The following MYH13 variants were observed in gnomAD, a reference collection of about 807,000 sequenced individuals.
The protein encoded by MYH13 is myosin heavy chain 13, also known as myosin-13.
MYH13 carries 177 observed loss-of-function variants against 232.1 expected under a neutral mutation model. That is an observed-to-expected ratio of 0.76 (90% confidence interval 0.67 to 0.86). The LOEUF is 0.86. Ranked by LOEUF, MYH13 falls within the 40% of genes least tolerant of loss-of-function variation. The pLI, the probability that MYH13 is intolerant of heterozygous loss-of-function variation, is 0.00. For missense variants in MYH13, 2,246 were observed against 2,405.9 expected (o/e 0.93, Z 1.39); for synonymous variants, 884 against 923.5 (o/e 0.96, Z 0.78).
At chr17:10,359,679 T>A (rs1044979270) in intron 7 of MYH13, among the ~76,000 whole-genome samples, 6 of 152,150 alleles carry the variant, frequency 3.9e-5, no homozygotes, top group Non-Finnish European at 7.3e-5. Flanking sequence ...AGCCCTTAAC[T>A]TGTGTGATTT....
Position 10,306,675 on chromosome 17 carries a change from C to A in MYH13, c.5296-46G>T, listed in dbSNP as rs1322423334. The stretch of plus-strand genomic sequence containing the variant: ...CATCAGAGGCCCTGTCCGCCCATCC[C>A]TACCCAGAGCTTGCAGAAGAGGCGA... On this transcript the variant is annotated intron_variant, in intron 36 of 40. Coordinates refer to ENST00000252172, the MANE Select transcript of MYH13 (RefSeq NM_003802.3). The surrounding 1 kb of genome is among the most constrained non-coding windows in gnomAD (Gnocchi z 4.3). The A allele has an allele frequency of 6.2e-7, 1 of 1,608,606 alleles. No individual in the cohort carries two copies. The highest frequency in any genetic ancestry group is 1.1e-5 in the South Asian group (1 of 90,590).
chr17:10,355,479 CAAAT>C (rs1597388241), intron 8 of MYH13, among the ~76,000 whole-genome samples: 2 of 152,192 alleles, frequency 1.3e-5, no homozygotes, highest in East Asian at 3.9e-4. Flanking sequence ...CGTAAACAAA[CAAAT>C]AAATGGCATG....
chr17:10,333,969 C>T (rs888695538), intron 18 of MYH13, among the ~76,000 whole-genome samples: 22 of 150,804 alleles, frequency 1.5e-4, no homozygotes, highest in African/African-American at 3.9e-4. Context: ...GGTAGGGCGG[C>T]GGTCATCTGC....
At chr17:10,317,009 G>A (rs1356908275) in intron 27 of MYH13, among the ~76,000 whole-genome samples, 2 of 152,308 alleles carry the variant, frequency 1.3e-5, no homozygotes, top group Admixed American at 6.5e-5. Flanking sequence ...GTTGAAACGC[G>A]ATGGCAGCTT....
rs144944730 is a variant in MYH13, at chr17:10,336,564, C to T, written c.2057-3373G>A. Among the ~76,000 whole-genome samples, 594 of 152,280 alleles carry T rather than the reference C, an allele frequency of 3.9e-3. 5 individuals are homozygous for T. The highest frequency in any genetic ancestry group is 0.013 in the African/African-American group (555 of 41,574). Reference sequence around the variant, plus strand: ...ATGGCAAAAAAGCCTCCTGCAAGCACGTCTTTCACATGCAAACCAGCCATC... The same window carrying T: ...ATGGCAAAAAAGCCTCCTGCAAGCATGTCTTTCACATGCAAACCAGCCATC... On this transcript the variant is annotated intron_variant, in intron 18 of 40. Transcript: ENST00000252172.
rs559498588 is a variant in MYH13 at position 10,311,174 on chromosome 17, C to G, written c.4585G>C (p.Glu1529Gln). ...QIAETGKNLQEAEKTKKLVEQ... is the reference protein window; with the variant it reads ...QIAETGKNLQQAEKTKKLVEQ... Reference sequence around the variant, plus strand: ...ACTAGCTTCTTGGTCTTTTCCGCTTCCTGAAGATTCTTGCCAGTTTCTGCA... The same window carrying G: ...ACTAGCTTCTTGGTCTTTTCCGCTTGCTGAAGATTCTTGCCAGTTTCTGCA... The change falls in exon 33 of 41, where the codon GAA becomes CAA. Residue 1529 changes from glutamate to glutamine, a missense_variant. Physicochemically the swap from Glu to Gln is conservative, Grantham distance 29. Transcript: ENST00000252172. 2.8e-5 allele frequency: 45 copies of G among 1,614,052 alleles called. No homozygotes were observed. The South Asian group carries it at 4.3e-4, about 15-fold the overall frequency.
intron 22 of MYH13, among the ~76,000 whole-genome samples, chr17:10,326,475 T>G (rs1361801625): frequency 6.6e-6 from 1 of 151,734 alleles, no homozygotes; most frequent in Admixed American, 6.6e-5. Flanking sequence ...CTTTCTTTCT[T>G]TTTTCTTTTT....
At chr17:10,355,976 TC>T (rs1239674492) in intron 8 of MYH13, among the ~76,000 whole-genome samples, 3 of 151,624 alleles carry the variant, frequency 2.0e-5, no homozygotes, top group Admixed American at 6.6e-5. Flanking sequence ...CAGGCCTGGC[TC>T]CCTGGCTGCC....
Position 10,312,658 on chromosome 17 carries a change from T to C in MYH13, c.4281A>G (p.Gly1427=), listed in dbSNP as rs773007854. The C allele has an allele frequency of 6.2e-7, 1 of 1,613,436 alleles. No homozygotes were observed. Among genetic ancestry groups the C allele is most frequent in the Non-Finnish European group, 8.5e-7 (1 of 1,179,728 alleles). ...SLEKTKQRLQ[G]EVEDLMRDLE... ...GATCCCGCATCAGATCCTCCACCTCTCCCTGCAGCCTCTGCTTGGTTTTCT... is the reference window on the plus strand; with the variant it reads ...GATCCCGCATCAGATCCTCCACCTCCCCCTGCAGCCTCTGCTTGGTTTTCT... The change falls in exon 31 of 41, where the codon GGA becomes GGG. Residue 1427 remains glycine, a synonymous_variant. Transcript: ENST00000252172.
chr17:10,361,549 C>A (rs1597389684), intron 5 of MYH13, among the ~76,000 whole-genome samples: 1 of 152,226 alleles, frequency 6.6e-6, no homozygotes, highest in South Asian at 2.1e-4. Flanking sequence ...CTGCCTCGGC[C>A]TCCCAAAGTG....
chr17:10,313,309 A>G lies in MYH13; in HGVS notation c.4030T>C (p.Cys1344Arg), dbSNP rs1273161090. ...TCATACTGTTCCCGCAGCAGGTCACAGTCGTGGCGGGAGGACTGCAGGGCG... is the reference window on the plus strand; with the variant it reads ...TCATACTGTTCCCGCAGCAGGTCACGGTCGTGGCGGGAGGACTGCAGGGCG... ...AHALQSSRHD[C>R]DLLREQYEEE... The change falls in exon 30 of 41, where the codon TGT (cysteine) becomes CGT (arginine). Residue 1344 changes from cysteine (C) to arginine (R), a missense_variant. Coordinates refer to ENST00000252172, the MANE Select transcript of MYH13 (RefSeq NM_003802.3). 1.2e-6 allele frequency: 2 copies of G among 1,614,260 alleles called. No homozygotes were observed. The highest frequency in any genetic ancestry group is 2.2e-5 in the East Asian group (1 of 44,890).
At position 10,322,262 on chromosome 17, in the gene MYH13, G is replaced by A. The variant is rs148337820; in HGVS notation, c.2935-554C>T. On this transcript the variant is annotated intron_variant, in intron 23 of 40. Transcript: ENST00000252172. ...AAAAAAAAAAAATTAGCCAGGCATGGTGGTGGGCACCTGTAGTCCCAGCTA... is the reference window on the plus strand; with the variant it reads ...AAAAAAAAAAAATTAGCCAGGCATGATGGTGGGCACCTGTAGTCCCAGCTA... Among the ~76,000 whole-genome samples the A allele has an allele frequency of 2.6e-4, 39 of 152,126 alleles. No individual in the cohort carries two copies. In the East Asian group the frequency reaches 6.0e-3, roughly 23 times the overall value.
At chr17:10,339,290 G>A (rs1277081073) in intron 18 of MYH13, among the ~76,000 whole-genome samples, 2 of 152,118 alleles carry the variant, frequency 1.3e-5, no homozygotes, top group African/African-American at 2.4e-5. Flanking sequence ...AAGAATATTC[G>A]CAAATCAGGA....
rs1245042491 is a variant in MYH13, at chr17:10,345,388, A to G, written c.1414-16T>C. The G allele has an allele frequency of 6.2e-6, 10 of 1,614,244 alleles. No homozygotes were observed. Among genetic ancestry groups the G allele is most frequent in the African/African-American group, 1.3e-5 (1 of 75,058 alleles). On this transcript the variant is annotated splice_polypyrimidine_tract_variant and intron_variant, in intron 14 of 40. Coordinates refer to ENST00000252172, the MANE Select transcript of MYH13 (RefSeq NM_003802.3). ...GGCTGTTGAACTGGGTGATTCAAAT[A>G]CCAAAGAATTTGAGTGAGCTTGGAA...
chr17:10,324,111 C>G lies in MYH13; in HGVS notation c.2845G>C (p.Asp949His), dbSNP rs1907108506. The change falls in exon 23 of 41, where the codon GAT (aspartate) becomes CAT (histidine). Residue 949 changes from aspartate (D) to histidine (H), a missense_variant. Physicochemically the swap from Asp to His is moderately conservative, Grantham distance 81 (BLOSUM62 -1). Transcript: ENST00000252172. Reference sequence around the variant, plus strand: ...TCTCTCTTGAGAGAGGAGCATTTATCTTCCAGATTCCTCTTCTTGGCAACC... The same window carrying G: ...TCTCTCTTGAGAGAGGAGCATTTATGTTCCAGATTCCTCTTCTTGGCAACC... ...ELVAKKRNLEDKCSSLKRDID... is the reference protein window; with the variant it reads ...ELVAKKRNLEHKCSSLKRDID... 6.2e-7 allele frequency: 1 copy of G among 1,614,008 alleles called. No homozygotes were observed. The highest frequency in any genetic ancestry group is 1.7e-5 in the Admixed American group (1 of 60,018).
chr17:10,322,749 T>C (rs1907011775), intron 23 of MYH13, among the ~76,000 whole-genome samples: 1 of 147,590 alleles, frequency 6.8e-6, no homozygotes, highest in Non-Finnish European at 1.5e-5. Context: ...TTCTCCGGCC[T>C]CAGCCTCCTG....
chr17:10,318,182 C>T (rs1906785062), intron 27 of MYH13, among the ~76,000 whole-genome samples: 1 of 152,194 alleles, frequency 6.6e-6, no homozygotes. Flanking sequence ...GTAGAGGTTG[C>T]AGTGAGCTGA....
At position 10,346,695 on chromosome 17, in the gene MYH13, C is replaced by T. The variant is rs191213361; in HGVS notation, c.1248G>A (p.Gly416=). The change falls in exon 13 of 41, where the codon GGG becomes GGA. Residue 416 remains glycine, a synonymous_variant. Transcript: ENST00000252172. ...VKVGNEYVTK[G]QNVQQVTNSV... ...TCTCCATTACCTGCTGGACATTTTG[C>T]CCTTTAGTGACATATTCATTGCCAA... 1 of 1,612,804 alleles carries T rather than the reference C, an allele frequency of 6.2e-7. No homozygotes were observed. Among genetic ancestry groups the T allele is most frequent in the African/African-American group, 1.3e-5 (1 of 74,908 alleles).
rs2071738310 is a variant in MYH13, at chr17:10,355,008, A to G, written c.803-15T>C. On this transcript the variant is annotated splice_polypyrimidine_tract_variant and intron_variant, in intron 9 of 40. Coordinates refer to ENST00000252172, the MANE Select transcript of MYH13 (RefSeq NM_003802.3). ...TTCTAACAGATCTAAGGTAACAAAA[A>G]TAACGTGATTTCAGGCTCCCAAGAG... is the stretch of plus-strand genomic sequence containing the variant. 2 of 1,609,986 alleles carry G rather than the reference A, an allele frequency of 1.2e-6. No homozygotes were observed. Among genetic ancestry groups the G allele is most frequent in the South Asian group, 1.1e-5 (1 of 90,960 alleles).
Sources: gnomAD v4.1 joint callset for allele counts (sites outside exome capture counted in the v4.1 genomes callset) on GRCh38, gnomAD v4.1.1 for gene constraint, Gnocchi (gnomAD v3.1) non-coding constraint, MANE v1.5 for transcripts, NCBI Gene and HGNC (gene_info 2026-07-23, HGNC 2026-07-21) for gene names.